The following ZNF625 variants were observed in gnomAD, a reference collection of about 807,000 sequenced individuals.
ZNF625 encodes the protein zinc finger protein 625.
A neutral mutation model predicts 11.1 loss-of-function variants in ZNF625; 8 were observed. That is an observed-to-expected ratio of 0.72 (90% CI 0.42 to 1.30). ZNF625 has a LOEUF of 1.30. Ranked by LOEUF, ZNF625 falls within the 50% of genes most tolerant of loss-of-function variation. ZNF625 has a pLI of 0.01. For missense variants in ZNF625, 349 were observed against 447.6 expected (o/e 0.78, Z 1.99); for synonymous variants, 145 against 153.4 (o/e 0.95, Z 0.41).
intron 1 of ZNF625, among the ~76,000 whole-genome samples, chr19:12,149,900 G>A (rs568342508): frequency 2.6e-5 from 4 of 152,118 alleles, no homozygotes; most frequent in South Asian, 4.2e-4. Context: ...CCAACACTGC[G>A]GGCTAATTTT....
At position 12,145,311 on chromosome 19, in the gene ZNF625, C is replaced by T. The variant is rs532558913; in HGVS notation, c.1105G>A (p.Glu369Lys). The change falls in exon 4 of 4, where the codon GAG becomes AAG. Residue 369 changes from glutamate (E) to lysine (K), a missense_variant. By Grantham distance (56) the Glu-to-Lys change is moderately conservative (BLOSUM62 1). Coordinates refer to ENST00000439556, the MANE Select transcript of ZNF625 (RefSeq NM_145233.4). ...TCTTATGTGAATTAAGCAATCTTCT[C>T]GCCTTGGCCTTTCGAAGTGTTGGAG... ...CSSNTSKGQG[E>K]KIA 23 of 1,607,084 alleles carry T rather than the reference C, an allele frequency of 1.4e-5. No individual in the cohort carries two copies. The highest frequency in any genetic ancestry group is 4.4e-5 in the South Asian group (4 of 90,064).
chr19:12,153,193 A>C (rs1022952490), intron 1 of ZNF625, among the ~76,000 whole-genome samples: 1 of 151,964 alleles, frequency 6.6e-6, no homozygotes, highest in Non-Finnish European at 1.5e-5. Context: ...TCTACTAAAA[A>C]TACAAAAATT....
chr19:12,149,683 T>C (rs1410693508), intron 1 of ZNF625, among the ~76,000 whole-genome samples: 2 of 151,738 alleles, frequency 1.3e-5, no homozygotes, highest in South Asian at 2.1e-4. Context: ...CAAAGATACA[T>C]ACAAGTGACA....
intron 1 of ZNF625, 38 bp downstream of exon 1, chr19:12,156,518 C>T (rs748207805): frequency 1.4e-6 from 2 of 1,420,086 alleles, no homozygotes; most frequent in South Asian, 1.6e-5. Flanking sequence ...CCTCCCGGCC[C>T]CTCCCCCGTC....
chr19:12,146,503 A>G (rs1160117435), intron 3 of ZNF625, among the ~76,000 whole-genome samples: 4 of 152,068 alleles, frequency 2.6e-5, no homozygotes, highest in African/African-American at 9.7e-5. Flanking sequence ...GTGAGATCTC[A>G]GCTCACTGCA....
intron 1 of ZNF625, among the ~76,000 whole-genome samples, chr19:12,148,680 G>C (rs899583556): frequency 1.3e-5 from 2 of 149,456 alleles, no homozygotes; most frequent in African/African-American, 4.9e-5. Flanking sequence ...GGAGTGCAGT[G>C]GCACAATCTT....
intron 1 of ZNF625, among the ~76,000 whole-genome samples, chr19:12,151,377 A>ATTTT (rs35302529): frequency 7.2e-5 from 8 of 111,670 alleles, no homozygotes; most frequent in Admixed American, 9.1e-5. Context: ...CACCTGGGTA[A>ATTTT]TTTTTTTTTT....
Position 12,145,397 on chromosome 19 carries a change from A to G in ZNF625, c.1019T>C (p.Phe340Ser). The change falls in exon 4 of 4, where the codon TTT (phenylalanine) becomes TCT (serine). Residue 340 changes from phenylalanine (F) to serine (S), a missense_variant. Coordinates refer to ENST00000439556, the MANE Select transcript of ZNF625 (RefSeq NM_145233.4). Reference sequence around the variant, plus strand: ...GATTTTAACGCTCGAGGCACATCCAAAGGCTTTACCACATTGTTTACATTC... The same window carrying G: ...GATTTTAACGCTCGAGGCACATCCAGAGGCTTTACCACATTGTTTACATTC... The part of the protein sequence containing the change: ...PYECKQCGKA[F>S]GCASSVKIHE... The G allele has an allele frequency of 6.2e-7, 1 of 1,614,166 alleles. No homozygotes were observed. Among genetic ancestry groups the G allele is most frequent in the African/African-American group, 1.3e-5 (1 of 75,050 alleles).
Position 12,147,727 on chromosome 19 carries a change from T to A in ZNF625, c.79A>T (p.Asn27Tyr), listed in dbSNP as rs1402581562. ...EWALLDPSQK[N>Y]LYRDVMQETF... ...TCCTGCATCACATCTCTGTAGAGAT[T>A]CTTCTGGGAAGGATCCAGCAAAGCC... Residue 27 changes from asparagine to tyrosine, a missense_variant, in exon 2 of 4, where the codon AAT becomes TAT. By Grantham distance (143) the Asn-to-Tyr change is moderately radical. Coordinates refer to ENST00000439556, the MANE Select transcript of ZNF625 (RefSeq NM_145233.4). The A allele has an allele frequency of 6.2e-7, 1 of 1,614,136 alleles. No homozygotes were observed. The highest frequency in any genetic ancestry group is 1.3e-5 in the African/African-American group (1 of 75,048).
chr19:12,146,209 C>T lies in ZNF625; in HGVS notation c.207G>A (p.Glu69=), dbSNP rs200985848. 8.7e-6 allele frequency: 14 copies of T among 1,613,738 alleles called. No individual in the cohort carries two copies. In the East Asian group the frequency reaches 2.9e-4, roughly 33 times the overall value. Residue 69 remains glutamate (E), a synonymous_variant, in exon 4 of 4, where the codon GAG becomes GAA. Coordinates refer to ENST00000439556, the MANE Select transcript of ZNF625 (RefSeq NM_145233.4). Reference sequence around the variant, plus strand: ...GATCTTTCTTACTTTCTAAGAGTCTCTCTCCCATAAGACCTCTGTGAACAA... The same window carrying T: ...GATCTTTCTTACTTTCTAAGAGTCTTTCTCCCATAAGACCTCTGTGAACAA... ...PRRNLRGLMG[E]RLLESKKDHQ...
At position 12,147,418 on chromosome 19, in the gene ZNF625, G is replaced by C. The variant is rs1441345992; in HGVS notation, c.168C>G (p.Tyr56Ter). 9.8e-6 allele frequency: 15 copies of C among 1,537,970 alleles called. No homozygotes were observed. Among genetic ancestry groups the C allele is most frequent in the Non-Finnish European group, 1.0e-5 (12 of 1,146,010 alleles). ...KWKDQKIEDEYKNPRRNLRGL... is the reference protein window; with the variant it reads ...KWKDQKIEDE ...ACCTTAGGTTTCTCCTGGGATTTTT[G>C]TACTCATCTTCAATTTTCTGATCTT... The change falls in exon 3 of 4, where the codon TAC becomes TAG. Residue 56 changes from tyrosine to a stop codon, truncating the protein, a stop_gained. Transcript: ENST00000439556. LOFTEE classifies it low-confidence loss of function (END_TRUNC).
intron 1 of ZNF625, among the ~76,000 whole-genome samples, chr19:12,150,303 G>A (rs556070970): frequency 3.7e-4 from 57 of 152,254 alleles, no homozygotes; most frequent in African/African-American, 1.2e-3. Flanking sequence ...CCCATGAAAA[G>A]GTAGCTGTGG....
At chr19:12,146,984 T>TTTTTTTTTTTTTTTTTTTTTA (rs1976885085) in intron 3 of ZNF625, among the ~76,000 whole-genome samples, 1 of 151,036 alleles carries the variant, frequency 6.6e-6, no homozygotes, top group African/African-American at 2.5e-5. Context: ...TTTTTTTTTT[T>TTTTTTTTTTTTTTTTTTTTTA]GAGACGGAGT....
intron 1 of ZNF625, among the ~76,000 whole-genome samples, chr19:12,153,144 G>A (rs934762435): frequency 1.3e-5 from 2 of 151,946 alleles, no homozygotes; most frequent in Admixed American, 1.3e-4. Flanking sequence ...ACGAGGTCAG[G>A]AGTTCAAGAC....
chr19:12,147,001 C>T (rs559203027), intron 3 of ZNF625, among the ~76,000 whole-genome samples: 100 of 111,298 alleles, frequency 9.0e-4, no homozygotes, highest in Non-Finnish European at 1.5e-3. Flanking sequence ...GAGTCTCGCT[C>T]AGTCGCCCAG....
chr19:12,146,324 T>C (rs1976872351), intron 3 of ZNF625, 100 bp from the exon 4 acceptor site: 8 of 1,122,996 alleles, frequency 7.1e-6, no homozygotes, highest in Non-Finnish European at 1.0e-5. Flanking sequence ...TGTACAGCAA[T>C]GTGTAGGCTT....
rs1293348828 is a variant in ZNF625, at chr19:12,156,510, T to TCCCGGCCCCTCCCCCGTCTCGGGACC, written c.3+20_3+45dup. 1.1e-5 allele frequency: 16 copies of TCCCGGCCCCTCCCCCGTCTCGGGACC among 1,407,014 alleles called. No individual in the cohort carries two copies. The South Asian group carries it at 2.3e-4, about 20-fold the overall frequency. 87.2% of individuals were successfully genotyped at this position (1,407,014 alleles called of 1,614,324 possible). Reference sequence around the variant, plus strand: ...GCTAGAGCCGGTTCGAGCCGGTTCCTCCCGGCCCCTCCCCCGTCTCGGGAC... The same window carrying TCCCGGCCCCTCCCCCGTCTCGGGACC: ...GCTAGAGCCGGTTCGAGCCGGTTCCTCCCGGCCCCTCCCCCGTCTCGGGACCCCCGGCCCCTCCCCCGTCTCGGGAC... On this transcript the variant is annotated intron_variant, in intron 1 of 3. Transcript: ENST00000439556.
Position 12,145,493 on chromosome 19 carries a change from C to T in ZNF625, c.923G>A (p.Cys308Tyr). The T allele has an allele frequency of 6.2e-7, 1 of 1,614,122 alleles. No homozygotes were observed. Among genetic ancestry groups the T allele is most frequent in the South Asian group, 1.1e-5 (1 of 91,072 alleles). Residue 308 changes from cysteine (C) to tyrosine (Y), a missense_variant, in exon 4 of 4, where the codon TGT (cysteine) becomes TAT (tyrosine). Transcript: ENST00000439556. ...CGAGGCAGATCTGAAGGCTTTCCCA[C>T]ATTGCTTACATTCATAGGGCTTCTC... ...TGEKPYECKQCGKAFRSASHL... is the reference protein window; with the variant it reads ...TGEKPYECKQYGKAFRSASHL...
intron 1 of ZNF625, 43 bp downstream of exon 1, chr19:12,156,513 C>T: frequency 7.1e-7 from 1 of 1,413,334 alleles, no homozygotes; most frequent in Non-Finnish European, 9.2e-7. Flanking sequence ...CGGTTCCTCC[C>T]GGCCCCTCCC....
Sources: gnomAD v4.1 joint callset for allele counts (sites outside exome capture counted in the v4.1 genomes callset) on GRCh38, gnomAD v4.1.1 for gene constraint, MANE v1.5 for transcripts, NCBI Gene and HGNC (gene_info 2026-07-23, HGNC 2026-07-21) for gene names.